Variants in CYP3A5 observed in about 807,000 individuals in gnomAD.
The protein encoded by CYP3A5 is cytochrome P450 3A5.
CYP3A5 carries 51 observed loss-of-function variants against 55.9 expected under a neutral mutation model. The ratio of observed to expected loss-of-function variants is 0.91; its 90% CI spans 0.73 to 1.15. The LOEUF (loss-of-function observed/expected upper bound fraction) is 1.15. Ranked by LOEUF, CYP3A5 falls within the 50% of genes most tolerant of loss-of-function variation. The probability of loss-of-function intolerance (pLI) is 0.00; values close to 1 mark genes in which losing one functional copy is unlikely to be tolerated. For missense variants in CYP3A5, 533 were observed against 596.6 expected, an observed-to-expected ratio of 0.89 and a Z score of 1.11; for synonymous variants, 196 against 213.9, an observed-to-expected ratio of 0.92 and a Z score of 0.73.
At chr7:99,652,978 T>A (rs1479902185) in intron 10 of CYP3A5, among the ~76,000 whole-genome samples, 199 bp from the exon 11 acceptor site, 1 of 152,178 alleles carries the variant, frequency 6.6e-6, no homozygotes, top group Non-Finnish European at 1.5e-5. Flanking sequence ...GGAGGAGTTA[T>A]GAATGTAGGA....
chr7:99,674,904 G>A (rs776382979), intron 2 of CYP3A5, among the ~76,000 whole-genome samples: 8 of 152,190 alleles, frequency 5.3e-5, no homozygotes, highest in Non-Finnish European at 2.9e-5. Flanking sequence ...TCCTAACCCC[G>A]TGAATGATCA....
At chr7:99,675,667 C>CCCCTCCCCTCCCCTCT (rs1812192957) in intron 2 of CYP3A5, among the ~76,000 whole-genome samples, 1 of 63,438 alleles carries the variant, frequency 1.6e-5, no homozygotes, top group African/African-American at 7.3e-5. Flanking sequence ...CCCTCCCCTC[C>CCCCTCCCCTCCCCTCT]CCTCTCCTTC....
At chr7:99,668,213 T>C (rs1360288133) in intron 4 of CYP3A5, among the ~76,000 whole-genome samples, 1 of 152,198 alleles carries the variant, frequency 6.6e-6, no homozygotes, top group Non-Finnish European at 1.5e-5. Context: ...ATTTCTGGTG[T>C]AAATCTAACA....
intron 1 of CYP3A5, among the ~76,000 whole-genome samples, chr7:99,679,038 T>C (rs1404565381): frequency 2.6e-5 from 4 of 152,236 alleles, no homozygotes; most frequent in Non-Finnish European, 2.9e-5. Context: ...AGGCTGCTAG[T>C]AGATTCCCAT....
At chr7:99,648,498 AG>A in intron 12 of CYP3A5, 98 bp from the exon 13 acceptor site, 2 of 786,198 alleles carry the variant, frequency 2.5e-6, no homozygotes, top group Non-Finnish European at 2.0e-6. Context: ...ATGCTTTGCA[AG>A]CATATAAAAA....
chr7:99,674,332 AT>A (rs1812003594), intron 3 of CYP3A5, 200 bp downstream of exon 3: 1 of 439,148 alleles, frequency 2.3e-6, no homozygotes, highest in Non-Finnish European at 4.1e-6. Context: ...GAATTTGCAC[AT>A]AGTTTATAAC....
intron 1 of CYP3A5, among the ~76,000 whole-genome samples, chr7:99,678,963 G>T (rs1812557802): frequency 1.3e-5 from 2 of 152,228 alleles, no homozygotes; most frequent in African/African-American, 4.8e-5. Context: ...TTGCCCTCCT[G>T]TACTGTAACA....
chr7:99,649,864 G>A (rs1216584279), intron 12 of CYP3A5, among the ~76,000 whole-genome samples: 2 of 151,796 alleles, frequency 1.3e-5, no homozygotes, highest in Admixed American at 6.5e-5. Flanking sequence ...ATCATGTCAT[G>A]CTAATCTGTG....
chr7:99,675,228 G>A (rs916850984), intron 2 of CYP3A5, among the ~76,000 whole-genome samples: 1 of 152,208 alleles, frequency 6.6e-6, no homozygotes, highest in African/African-American at 2.4e-5. Context: ...AAATTACAAT[G>A]CGTGCTCTGA....
At chr7:99,666,050 A>G (rs1159522237) in intron 6 of CYP3A5, among the ~76,000 whole-genome samples, 1 of 152,144 alleles carries the variant, frequency 6.6e-6, no homozygotes, top group African/African-American at 2.4e-5. Context: ...AGCACATACC[A>G]TTGTAGACAG....
chr7:99,679,495 C>T (rs552282473), intron 1 of CYP3A5, among the ~76,000 whole-genome samples: 3 of 152,264 alleles, frequency 2.0e-5, no homozygotes, highest in Non-Finnish European at 2.9e-5. Context: ...TCACACTGTC[C>T]ATCATGATCA....
intron 3 of CYP3A5, among the ~76,000 whole-genome samples, chr7:99,673,588 A>T (rs923526373): frequency 6.6e-6 from 1 of 152,260 alleles, no homozygotes; most frequent in Non-Finnish European, 1.5e-5. Context: ...GAGAAAGTTT[A>T]AAAAAGTGGA....
chr7:99,654,092 T>G (rs1809464704), intron 10 of CYP3A5, among the ~76,000 whole-genome samples: 1 of 152,174 alleles, frequency 6.6e-6, no homozygotes, highest in Non-Finnish European at 1.5e-5. Flanking sequence ...TGAATTTTTT[T>G]TTTTATACTT....
chr7:99,654,128 C>T (rs112407276), intron 10 of CYP3A5, among the ~76,000 whole-genome samples: 8 of 152,026 alleles, frequency 5.3e-5, no homozygotes, highest in Non-Finnish European at 8.8e-5. Context: ...ATGTACACAA[C>T]GTGCAGGTTT....
chr7:99,671,767 G>GC (rs1811658950), intron 4 of CYP3A5: 1 of 701,548 alleles, frequency 1.4e-6, no homozygotes, highest in African/African-American at 1.7e-5. Context: ...CTCTGATATA[G>GC]AACCTGTCAG....
At chr7:99,665,916 A>G (rs1477945753) in intron 6 of CYP3A5, among the ~76,000 whole-genome samples, 2 of 152,150 alleles carry the variant, frequency 1.3e-5, no homozygotes, top group Admixed American at 6.5e-5. Context: ...ACAATCAAGA[A>G]TGTTCTGGTT....
At chr7:99,672,982 G>C (rs1811826849) in intron 3 of CYP3A5, 1 of 915,666 alleles carries the variant, frequency 1.1e-6, no homozygotes, top group Non-Finnish European at 1.4e-6. Context: ...TCGTTAAGCT[G>C]GGTGGTACAT....
chr7:99,677,967 C>G (rs1812454421), intron 1 of CYP3A5, among the ~76,000 whole-genome samples: 1 of 152,234 alleles, frequency 6.6e-6, no homozygotes. Flanking sequence ...TGGGCGAACT[C>G]TTTAGTTTCT....
At chr7:99,657,864 T>G (rs569840209) in intron 10 of CYP3A5, among the ~76,000 whole-genome samples, 6 of 152,350 alleles carry the variant, frequency 3.9e-5, no homozygotes, top group African/African-American at 1.4e-4. Flanking sequence ...TTTTGATCTT[T>G]GTTGGTTTAA....
Sources: allele counts gnomAD v4.1 joint callset (sites outside exome capture counted in the v4.1 genomes callset), GRCh38; gene constraint gnomAD v4.1.1; transcripts MANE v1.5; gene names NCBI Gene and HGNC (gene_info 2026-07-23, HGNC 2026-07-21).